SYNPO2: variants seen among roughly 807,000 people sequenced by gnomAD.
SYNPO2 encodes the protein synaptopodin 2, also known as synaptopodin-2.
SYNPO2 carries 56 observed loss-of-function variants against 85.0 expected under a neutral mutation model. That is an observed-to-expected ratio of 0.66 (90% CI 0.53 to 0.82). The LOEUF (loss-of-function observed/expected upper bound fraction) is 0.82, where lower values mean the gene tolerates loss of function less well. Ranked by LOEUF, SYNPO2 falls within the 40% of genes least tolerant of loss-of-function variation. The pLI is 0.00. For missense variants in SYNPO2, 1,575 were observed against 1,534.2 expected (o/e 1.03, Z -0.44); for synonymous variants, 602 against 591.1 (o/e 1.02, Z -0.27).
chr4:118,940,432 A>G lies in SYNPO2; in HGVS notation c.105+51291A>G, dbSNP rs144848933. Among the ~76,000 whole-genome samples the G allele has an allele frequency of 2.7e-3, 417 of 152,314 alleles. 4 individuals carry two copies. The highest frequency in any genetic ancestry group is 9.6e-3 in the African/African-American group (401 of 41,568). The stretch of plus-strand genomic sequence containing the variant: ...TTAGAATTACTTCTGAAATAAGAGT[A>G]AACTGTTTTCAGCTAATTACCCAAA... On this transcript the variant is annotated intron_variant, in intron 1 of 4. Coordinates refer to ENST00000307142, the MANE Select transcript of SYNPO2 (RefSeq NM_133477.3).
At chr4:118,916,675 T>G (rs1215299596) in intron 1 of SYNPO2, among the ~76,000 whole-genome samples, 1 of 151,520 alleles carries the variant, frequency 6.6e-6, no homozygotes, top group African/African-American at 2.4e-5. Flanking sequence ...TTTTGAAGTT[T>G]CAGAGCATTT....
At chr4:118,877,168 T>C (rs1016030303) in intron 1 of SYNPO2, among the ~76,000 whole-genome samples, 2 of 152,150 alleles carry the variant, frequency 1.3e-5, no homozygotes, top group African/African-American at 4.8e-5. Flanking sequence ...GTTTTCAGTT[T>C]GCTCAAGAAT....
intron 1 of SYNPO2, among the ~76,000 whole-genome samples, chr4:118,879,976 A>G (rs921681824): frequency 2.0e-5 from 3 of 152,056 alleles, no homozygotes; most frequent in African/African-American, 7.2e-5. Context: ...CTGTCAGGAC[A>G]GAATCCCTCC....
intron 1 of SYNPO2, among the ~76,000 whole-genome samples, chr4:118,905,502 A>G (rs967896581): frequency 6.6e-6 from 1 of 151,956 alleles, no homozygotes; most frequent in African/African-American, 2.4e-5. Context: ...TCCGGCATAA[A>G]TCTGTCTTAA....
At chr4:118,900,347 A>T (rs898823012) in intron 1 of SYNPO2, among the ~76,000 whole-genome samples, 1 of 152,140 alleles carries the variant, frequency 6.6e-6, no homozygotes, top group African/African-American at 2.4e-5. Context: ...ACAAATTTGG[A>T]ACATCCATTT....
chr4:119,047,840 G>A (rs942500363), intron 4 of SYNPO2, among the ~76,000 whole-genome samples: 3 of 152,212 alleles, frequency 2.0e-5, no homozygotes, highest in Non-Finnish European at 4.4e-5. Flanking sequence ...TAGGAGATTA[G>A]TTAGTAGAGG....
chr4:118,866,989 C>CT lies in SYNPO2; in HGVS notation c.12+16057dup, dbSNP rs202206880. 6.1e-3 allele frequency among the ~76,000 whole-genome samples: 935 copies of CT among 152,052 alleles called. 9 individuals are homozygous for CT. Among genetic ancestry groups the CT allele is most frequent in the Non-Finnish European group, 9.5e-3 (647 of 67,972 alleles). On this transcript the variant is annotated intron_variant, in intron 1 of 4. Transcript: ENST00000610556. ...AAAGTTATTCATTTCTTTAGTTCTC[C>CT]TTTTTTTTAAAGTCTAACTGAGGGG... is the stretch of plus-strand genomic sequence containing the variant.
At chr4:118,930,410 T>G (rs1403482601) in intron 1 of SYNPO2, among the ~76,000 whole-genome samples, 5 of 152,210 alleles carry the variant, frequency 3.3e-5, no homozygotes, top group African/African-American at 1.2e-4. Flanking sequence ...TGCATACTTC[T>G]GTATAGCATT....
chr4:118,912,868 G>T (rs1733188081), intron 1 of SYNPO2, among the ~76,000 whole-genome samples: 1 of 152,146 alleles, frequency 6.6e-6, no homozygotes, highest in Non-Finnish European at 1.5e-5. Context: ...AAAACGTTTA[G>T]CTAAACACAT....
chr4:119,054,322 G>A (rs1302662936), intron 4 of SYNPO2, among the ~76,000 whole-genome samples: 2 of 152,184 alleles, frequency 1.3e-5, no homozygotes, highest in South Asian at 2.1e-4. Context: ...ATTGTGTGGG[G>A]TGGCTGCCCT....
chr4:118,854,871 G>C (rs988877197), intron 1 of SYNPO2, among the ~76,000 whole-genome samples: 2 of 152,052 alleles, frequency 1.3e-5, no homozygotes, highest in Non-Finnish European at 1.5e-5. Flanking sequence ...AAATAATTCA[G>C]ATGCAGCACA....
intron 1 of SYNPO2, among the ~76,000 whole-genome samples, chr4:118,980,342 T>C (rs1282088275): frequency 6.6e-6 from 1 of 152,182 alleles, no homozygotes; most frequent in Non-Finnish European, 1.5e-5. Flanking sequence ...GGACTATTCC[T>C]TGACCAGAAC....
rs769359746 is a variant in SYNPO2, at chr4:119,037,197, A to G, written c.3252+5170A>G. ...CTTTCTTCCTCTACCTGATAATGATAATACTCAAAATAACAACATTCAAAG... is the reference window on the plus strand; with the variant it reads ...CTTTCTTCCTCTACCTGATAATGATGATACTCAAAATAACAACATTCAAAG... On this transcript the variant is annotated intron_variant, in intron 4 of 4. Transcript: ENST00000307142. 783 of 1,535,692 alleles carry G rather than the reference A, an allele frequency of 5.1e-4. 1 individual carries two copies. The highest frequency in any genetic ancestry group is 4.6e-4 in the Non-Finnish European group (528 of 1,138,102).
At chr4:118,949,230 C>T (rs1254152489) in intron 1 of SYNPO2, among the ~76,000 whole-genome samples, 4 of 151,862 alleles carry the variant, frequency 2.6e-5, no homozygotes, top group Admixed American at 6.6e-5. Flanking sequence ...ACGGCAGATC[C>T]GAAGCATTTG....
At chr4:118,890,300 A>G (rs1270072567) in intron 1 of SYNPO2, among the ~76,000 whole-genome samples, 1 of 152,124 alleles carries the variant, frequency 6.6e-6, no homozygotes, top group East Asian at 1.9e-4. Context: ...TGCAAACATC[A>G]AGAATGAACC....
At chr4:118,991,079 A>G (rs1274764362) in intron 1 of SYNPO2, among the ~76,000 whole-genome samples, 4 of 152,176 alleles carry the variant, frequency 2.6e-5, no homozygotes, top group South Asian at 4.1e-4. Flanking sequence ...CAGGACTTTA[A>G]ATTCAACTTC....
At chr4:118,885,799 T>G (rs1046084056), upstream of SYNPO2, among the ~76,000 whole-genome samples, 1 of 152,126 alleles carries the variant, frequency 6.6e-6, no homozygotes, top group Non-Finnish European at 1.5e-5. Flanking sequence ...TAGGTCTTAA[T>G]GGATAATTGG....
At chr4:118,963,615 A>T (rs1270890393) in intron 1 of SYNPO2, among the ~76,000 whole-genome samples, 1 of 152,208 alleles carries the variant, frequency 6.6e-6, no homozygotes, top group Non-Finnish European at 1.5e-5. Context: ...TGTCCAGCTC[A>T]CATCTTTACA....
rs535166680 is a variant in SYNPO2, at chr4:118,957,741, C to G, written c.106-65689C>G. Among the ~76,000 whole-genome samples, 7 of 152,350 alleles carry G rather than the reference C, an allele frequency of 4.6e-5. No individual in the cohort carries two copies. The South Asian group carries it at 1.4e-3, about 32-fold the overall frequency. ...TCAAACTTCTGCAAAGCTCTTCCAT[C>G]TCCACTAATACATGTTATCCTCACA... On this transcript the variant is annotated intron_variant, in intron 1 of 4. Transcript: ENST00000307142.
Sources: allele counts gnomAD v4.1 joint callset (sites outside exome capture counted in the v4.1 genomes callset), GRCh38; gene constraint gnomAD v4.1.1; transcripts MANE v1.5; gene names NCBI Gene and HGNC (gene_info 2026-07-23, HGNC 2026-07-21).